CNTNAP5: variants seen among roughly 807,000 people sequenced by gnomAD.
CNTNAP5 encodes the protein contactin-associated protein-like 5.
Under a neutral mutation model 150.2 loss-of-function variants are expected in CNTNAP5, and 72 were observed. That is an observed-to-expected ratio of 0.48 (90% confidence interval 0.40 to 0.58). The LOEUF (loss-of-function observed/expected upper bound fraction) is 0.58, where lower values mean the gene tolerates loss of function less well. Among genes scored for constraint, CNTNAP5 ranks in the 20% least tolerant of loss-of-function variants. The pLI, the probability that CNTNAP5 is intolerant of heterozygous loss-of-function variation, is 0.00. For missense variants in CNTNAP5, 1,636 were observed against 1,626.2 expected (o/e 1.01, Z -0.10); for synonymous variants, 672 against 619.8 (o/e 1.08, Z -1.25).
At chr2:124,653,926 C>CCAA (rs1160449943) in intron 13 of CNTNAP5, among the ~76,000 whole-genome samples, 1 of 143,420 alleles carries the variant, frequency 7.0e-6, no homozygotes, top group African/African-American at 2.6e-5. Context: ...CCCCCCCCGC[C>CCAA]ACACACACAC....
chr2:124,772,203 C>G (rs759373033), intron 16 of CNTNAP5, among the ~76,000 whole-genome samples: 2 of 152,106 alleles, frequency 1.3e-5, no homozygotes, highest in Non-Finnish European at 1.5e-5. Context: ...TTCCATTATA[C>G]AAAGATTGTT....
intron 3 of CNTNAP5, among the ~76,000 whole-genome samples, chr2:124,278,213 G>C (rs540086070): frequency 6.6e-6 from 1 of 152,164 alleles, no homozygotes; most frequent in Admixed American, 6.5e-5. Context: ...TATTTAAGGA[G>C]AGACATTAAA....
intron 3 of CNTNAP5, among the ~76,000 whole-genome samples, chr2:124,344,420 C>T (rs1228167644): frequency 6.6e-6 from 1 of 152,006 alleles, no homozygotes; most frequent in African/African-American, 2.4e-5. Flanking sequence ...TGGTAGACAT[C>T]CTCCTTCCAA....
intron 18 of CNTNAP5, among the ~76,000 whole-genome samples, chr2:124,797,592 A>G (rs1417058974): frequency 2.0e-5 from 3 of 152,184 alleles, no homozygotes; most frequent in Admixed American, 6.6e-5. Flanking sequence ...CATCATAGAG[A>G]ATTACTGCTG....
chr2:124,125,418 C>T (rs1197057487), intron 1 of CNTNAP5, among the ~76,000 whole-genome samples: 1 of 152,040 alleles, frequency 6.6e-6, no homozygotes, highest in Non-Finnish European at 1.5e-5. Context: ...TAAAGCAAGC[C>T]CTTAGAGACC....
intron 1 of CNTNAP5, among the ~76,000 whole-genome samples, chr2:124,221,349 A>G (rs758103887): frequency 3.3e-5 from 5 of 152,134 alleles, no homozygotes; most frequent in Non-Finnish European, 5.9e-5. Context: ...TCTTGATGGC[A>G]ATAATTTGAG....
chr2:124,328,227 G>C (rs1246400635), intron 3 of CNTNAP5, among the ~76,000 whole-genome samples: 1 of 151,838 alleles, frequency 6.6e-6, no homozygotes, highest in African/African-American at 2.4e-5. Context: ...TGGTACTTTA[G>C]AGTAAAAATT....
intron 7 of CNTNAP5, among the ~76,000 whole-genome samples, chr2:124,501,103 T>G (rs534386763): frequency 1.8e-4 from 27 of 152,326 alleles, no homozygotes; most frequent in Non-Finnish European, 2.9e-4. Flanking sequence ...CTCACTGACT[T>G]CCTTTCAATC....
chr2:124,249,059 C>T (rs920067793), intron 3 of CNTNAP5, among the ~76,000 whole-genome samples: 3 of 152,088 alleles, frequency 2.0e-5, no homozygotes, highest in Admixed American at 2.0e-4. Flanking sequence ...GTGAATGTCT[C>T]CAAAACCTAA....
chr2:124,583,603 G>C (rs1696462798), intron 11 of CNTNAP5, among the ~76,000 whole-genome samples: 1 of 152,166 alleles, frequency 6.6e-6, no homozygotes, highest in Non-Finnish European at 1.5e-5. Context: ...AAATTCCAAA[G>C]CATTTCCTTT....
At chr2:124,095,321 A>G (rs1036138443) in intron 1 of CNTNAP5, among the ~76,000 whole-genome samples, 4 of 152,172 alleles carry the variant, frequency 2.6e-5, no homozygotes, top group Non-Finnish European at 4.4e-5. Context: ...GAGGAGGGAA[A>G]CATCACACAC....
At chr2:124,165,908 G>T (rs949587756) in intron 1 of CNTNAP5, among the ~76,000 whole-genome samples, 2 of 152,074 alleles carry the variant, frequency 1.3e-5, no homozygotes, top group Admixed American at 1.3e-4. Context: ...TCTCCACAAG[G>T]CATGTGCCAT....
intron 3 of CNTNAP5, among the ~76,000 whole-genome samples, chr2:124,357,996 G>A (rs1367210608): frequency 6.7e-6 from 1 of 149,982 alleles, no homozygotes; most frequent in Non-Finnish European, 1.5e-5. Flanking sequence ...GCAGTGGTTT[G>A]TAGTTCTCCT....
chr2:124,200,331 T>C (rs1429043216), intron 1 of CNTNAP5, among the ~76,000 whole-genome samples: 1 of 152,228 alleles, frequency 6.6e-6, no homozygotes, highest in East Asian at 1.9e-4. Flanking sequence ...TCTAAATTAC[T>C]GAGGTCTCTT....
chr2:124,755,620 C>T (rs957855138), intron 14 of CNTNAP5, among the ~76,000 whole-genome samples: 2 of 152,246 alleles, frequency 1.3e-5, no homozygotes, highest in South Asian at 4.1e-4. Context: ...GGGCTGCTTC[C>T]GTGGTCCATG....
rs140604301 is a variant in CNTNAP5 at position 124,448,720 on chromosome 2, T to C, written c.918+1783T>C. 2.0e-3 allele frequency among the ~76,000 whole-genome samples: 302 copies of C among 152,266 alleles called. 1 individual carries two copies. The highest frequency in any genetic ancestry group is 2.5e-3 in the South Asian group (12 of 4,828). On this transcript the variant is annotated intron_variant, in intron 6 of 23. Transcript: ENST00000682447. ...GGGTTGTAAAGGCAATAAAGAAATT[T>C]TTCAAAAAGAATATATGACAGAGAC...
chr2:124,773,980 G>T (rs1323113115), intron 17 of CNTNAP5, among the ~76,000 whole-genome samples: 1 of 151,504 alleles, frequency 6.6e-6, no homozygotes, highest in African/African-American at 2.4e-5. Context: ...GACTAATACA[G>T]GGTGAGCCTT....
chr2:124,412,476 A>G (rs1442748585), intron 3 of CNTNAP5, among the ~76,000 whole-genome samples: 1 of 151,094 alleles, frequency 6.6e-6, no homozygotes, highest in Non-Finnish European at 1.5e-5. Flanking sequence ...CTGACTTCAA[A>G]CTATACTACA....
intron 21 of CNTNAP5, among the ~76,000 whole-genome samples, chr2:124,883,609 T>G (rs1368261423): frequency 6.6e-6 from 1 of 152,124 alleles, no homozygotes; most frequent in East Asian, 1.9e-4. Context: ...CATGTATATG[T>G]ATGTCCATGT....
Sources: gnomAD v4.1 joint callset for allele counts (sites outside exome capture counted in the v4.1 genomes callset) on GRCh38, gnomAD v4.1.1 for gene constraint, MANE v1.5 for transcripts, NCBI Gene and HGNC (gene_info 2026-07-23, HGNC 2026-07-21) for gene names.